RUNX1: variants seen among roughly 807,000 people sequenced by gnomAD.
RUNX1 encodes runt-related transcription factor 1.
Under a neutral mutation model 42.8 loss-of-function variants are expected in RUNX1, and 19 were observed. The observed-to-expected ratio is 0.44, with a 90% CI of 0.31 to 0.65. RUNX1 has a LOEUF of 0.65. Among genes scored for constraint, RUNX1 ranks in the 30% least tolerant of loss-of-function variants. RUNX1 has a pLI of 0.07. For missense variants in RUNX1, 528 were observed against 672.0 expected, an observed-to-expected ratio of 0.79 and a Z score of 2.37; for synonymous variants, 271 against 289.4, an observed-to-expected ratio of 0.94 and a Z score of 0.64.
chr21:34,814,090 T>TG (rs1399196178), intron 7 of RUNX1, among the ~76,000 whole-genome samples: 31 of 152,232 alleles, frequency 2.0e-4, no homozygotes, highest in Admixed American at 2.0e-3. Context: ...CAGATGGTTC[T>TG]GGTGGGGAAC....
rs1210828429 is a variant in RUNX1 at position 34,789,303 on chromosome 21, T to C, written c.*2832A>G. On this transcript the variant is annotated 3_prime_UTR_variant, in exon 9 of 9. Coordinates refer to ENST00000675419, the MANE Select transcript of RUNX1 (RefSeq NM_001754.5). ...GAGGGAGAAAGTGGGGTTTGGAAGA[T>C]AGAGGAAGAGAGAAAAAAAGGGAGA... The C allele has an allele frequency of 4.4e-6, 1 of 227,326 alleles. No homozygotes were observed. Among genetic ancestry groups the C allele is most frequent in the Non-Finnish European group, 8.6e-6 (1 of 116,526 alleles). The allele number at this position is 227,326 out of a possible 1,614,324, so 14.1% of individuals were successfully genotyped here.
intron 7 of RUNX1, among the ~76,000 whole-genome samples, chr21:34,818,467 A>AC (rs751630466): frequency 3.3e-4 from 50 of 150,376 alleles, no homozygotes; most frequent in Non-Finnish European, 5.8e-4. Flanking sequence ...CTTGTCCCAG[A>AC]CCCCCCTCCT....
intron 7 of RUNX1, chr21:34,821,678 C>T: frequency 1.9e-6 from 3 of 1,575,356 alleles, no homozygotes; most frequent in Non-Finnish European, 2.6e-6. Flanking sequence ...TTAACATCTC[C>T]AGGGTGCTGT....
chr21:34,865,068 G>C (rs1485854608), intron 5 of RUNX1, among the ~76,000 whole-genome samples: 1 of 152,078 alleles, frequency 6.6e-6, no homozygotes, highest in Non-Finnish European at 1.5e-5. Context: ...GTTAATAACA[G>C]TCATTCCATC....
At chr21:34,795,347 G>A (rs754253160) in intron 8 of RUNX1, among the ~76,000 whole-genome samples, 10 of 152,000 alleles carry the variant, frequency 6.6e-5, no homozygotes, top group African/African-American at 7.3e-5. Flanking sequence ...TCTCTCGCTC[G>A]CTCTCTCGTC....
intron 2 of RUNX1, among the ~76,000 whole-genome samples, chr21:34,989,331 T>C (rs2058918481): frequency 6.6e-6 from 1 of 151,940 alleles, no homozygotes; most frequent in Non-Finnish European, 1.5e-5. Context: ...ATACTGATCT[T>C]TGCCATTCTC....
intron 2 of RUNX1, among the ~76,000 whole-genome samples, chr21:34,924,249 T>C (rs1311095853): frequency 6.6e-6 from 1 of 152,218 alleles, no homozygotes; most frequent in Non-Finnish European, 1.5e-5. Flanking sequence ...TTTCAGTTCA[T>C]CTTTGATGAC....
At chr21:34,872,994 C>T (rs1372524709) in intron 5 of RUNX1, among the ~76,000 whole-genome samples, 1 of 152,176 alleles carries the variant, frequency 6.6e-6, no homozygotes, top group Non-Finnish European at 1.5e-5. Context: ...GAAGGCAGGA[C>T]ATTTGTCCTA....
At chr21:35,018,468 A>T (rs1383554961) in intron 2 of RUNX1, among the ~76,000 whole-genome samples, 1 of 152,184 alleles carries the variant, frequency 6.6e-6, no homozygotes, top group East Asian at 1.9e-4. Flanking sequence ...GGGAGAAAAT[A>T]AATTTCTGTT....
At chr21:34,834,292 C>G (rs2057108316) in intron 7 of RUNX1, 118 bp downstream of exon 7, 4 of 1,086,108 alleles carry the variant, frequency 3.7e-6, no homozygotes, top group Non-Finnish European at 4.2e-6. Context: ...CGAGGCCTTT[C>G]TCTGAGCATC....
At chr21:34,992,376 C>T (rs1036583603) in intron 2 of RUNX1, among the ~76,000 whole-genome samples, 3 of 152,164 alleles carry the variant, frequency 2.0e-5, no homozygotes, top group Non-Finnish European at 2.9e-5. Flanking sequence ...GGCACATTCC[C>T]GGCAGCCAGA....
At chr21:34,824,955 ATTGT>A (rs970083332) in intron 7 of RUNX1, among the ~76,000 whole-genome samples, 66 of 152,350 alleles carry the variant, frequency 4.3e-4, no homozygotes, top group African/African-American at 1.4e-3. Flanking sequence ...ATTAGCATAT[ATTGT>A]TTGTTCTTCT....
Position 34,907,590 on chromosome 21 carries a change from G to C in RUNX1, c.59-14627C>G, listed in dbSNP as rs774730224. Among the ~76,000 whole-genome samples the C allele has an allele frequency of 6.6e-6, 1 of 152,036 alleles. No individual in the cohort carries two copies. The highest frequency in any genetic ancestry group is 1.5e-5 in the Non-Finnish European group (1 of 68,012). Reference sequence around the variant, plus strand: ...AGTACTCAATTTGTTACTTGACTTGGTGTTTGGCTCCCTGTGACTCTCTGA... The same window carrying C: ...AGTACTCAATTTGTTACTTGACTTGCTGTTTGGCTCCCTGTGACTCTCTGA... On this transcript the variant is annotated intron_variant, in intron 2 of 8. Coordinates refer to ENST00000675419, the MANE Select transcript of RUNX1 (RefSeq NM_001754.5). The surrounding 1 kb of genome is among the most constrained non-coding windows in gnomAD (Gnocchi z 5.3).
chr21:34,880,366 A>G (rs1057310624), intron 5 of RUNX1, among the ~76,000 whole-genome samples, 191 bp downstream of exon 5: 5 of 152,368 alleles, frequency 3.3e-5, no homozygotes, highest in Non-Finnish European at 7.3e-5. Flanking sequence ...CAGTAACATA[A>G]AGCAATAATA....
intron 6 of RUNX1, among the ~76,000 whole-genome samples, chr21:34,845,311 T>A (rs553320433): frequency 5.3e-4 from 80 of 152,338 alleles, no homozygotes; most frequent in African/African-American, 1.9e-3. Flanking sequence ...GAAGGTTCCA[T>A]CCTTGCCAGG....
rs914196656 is a variant in RUNX1 at position 34,889,911 on chromosome 21, C to T, written c.98-2815G>A. ...CTCTCATCCACCCCGGGGCTGCAACCCAGTCCCCGGATCCCGGCCCCGTTC... is the reference window on the plus strand; with the variant it reads ...CTCTCATCCACCCCGGGGCTGCAACTCAGTCCCCGGATCCCGGCCCCGTTC... On this transcript the variant is annotated intron_variant, in intron 3 of 8. Coordinates refer to ENST00000675419, the MANE Select transcript of RUNX1 (RefSeq NM_001754.5). 3.9e-5 allele frequency: 39 copies of T among 993,990 alleles called. 1 individual carries two copies. In the Admixed American group the frequency reaches 1.8e-3, roughly 47 times the overall value. 61.6% of individuals were successfully genotyped at this position (993,990 alleles called of 1,614,324 possible). A position where few individuals can be genotyped will look rare whatever the true frequency, so the allele number is the denominator to read the frequency against.
Position 34,791,319 on chromosome 21 carries a change from A to C in RUNX1, c.*816T>G. On this transcript the variant is annotated 3_prime_UTR_variant, in exon 9 of 9. Transcript: ENST00000675419. ...TATTTTTCTTAATATAAGTACATTT[A>C]AATAATTAAAAAATTATCAACACAT... is the stretch of plus-strand genomic sequence containing the variant. 1 of 231,934 alleles carries C rather than the reference A, an allele frequency of 4.3e-6. No homozygotes were observed. The highest frequency in any genetic ancestry group is 8.5e-6 in the Non-Finnish European group (1 of 117,028). 14.4% of individuals were successfully genotyped at this position (231,934 alleles called of 1,614,324 possible).
rs1466746674 is a variant in RUNX1, at chr21:34,792,767, G to A, written c.968-157C>T. ...GCTGGGGAGGACGGGGACCACCCGG[G>A]ATGCTACTCCCAAGAGGACGAGGAT... On this transcript the variant is annotated intron_variant, in intron 8 of 8. Coordinates refer to ENST00000675419, the MANE Select transcript of RUNX1 (RefSeq NM_001754.5). This position sits in a 1 kb window ranked among gnomAD's most constrained non-coding sequence, Gnocchi z 6.9. Among the ~76,000 whole-genome samples the A allele has an allele frequency of 6.6e-6, 1 of 151,310 alleles. No homozygotes were observed. The highest frequency in any genetic ancestry group is 1.5e-5 in the Non-Finnish European group (1 of 67,696).
intron 5 of RUNX1, among the ~76,000 whole-genome samples, chr21:34,870,446 G>T (rs1220995339): frequency 2.0e-5 from 3 of 152,224 alleles, no homozygotes; most frequent in African/African-American, 4.8e-5. Context: ...GGGACATGAC[G>T]CAATGGCTTC....
Sources: gnomAD v4.1 joint callset for allele counts (sites outside exome capture counted in the v4.1 genomes callset) on GRCh38, gnomAD v4.1.1 for gene constraint, Gnocchi (gnomAD v3.1) non-coding constraint, MANE v1.5 for transcripts, NCBI Gene and HGNC (gene_info 2026-07-23, HGNC 2026-07-21) for gene names.